Variants in SDCCAG8 observed in about 807,000 individuals in gnomAD.
SDCCAG8 encodes the protein SHH signaling and ciliogenesis regulator SDCCAG8, also known as serologically defined colon cancer antigen 8.
A neutral mutation model predicts 101.8 loss-of-function variants in SDCCAG8; 74 were observed. That is an observed-to-expected ratio of 0.73 (90% CI 0.60 to 0.88). SDCCAG8 has a LOEUF of 0.88. Ranked by LOEUF, SDCCAG8 falls within the 40% of genes least tolerant of loss-of-function variation. The pLI is 0.00. For synonymous variants in SDCCAG8, 281 were observed against 292.9 expected (o/e 0.96, Z 0.41); for missense variants, 787 against 822.6 (o/e 0.96, Z 0.53).
At position 243,473,921 on chromosome 1, in the gene SDCCAG8, G is replaced by A. The variant is rs1314624972; in HGVS notation, c.1986-15093G>A. Among the ~76,000 whole-genome samples, 53 of 15,126 alleles carry A rather than the reference G, an allele frequency of 3.5e-3. 3 individuals are homozygous for A. Among genetic ancestry groups the A allele is most frequent in the African/African-American group, 0.014 (48 of 3,440 alleles). The allele number at this position is 15,126 out of a possible 152,430, so 9.9% of individuals were successfully genotyped here. A position where few individuals can be genotyped will look rare whatever the true frequency, so the allele number is the denominator to read the frequency against. On this transcript the variant is annotated intron_variant, in intron 16 of 17. Coordinates refer to ENST00000366541, the MANE Select transcript of SDCCAG8 (RefSeq NM_006642.5). ...TTTGGTTATTGGAGGAGAGTTGCCG[G>A]CGGGGGGGGGGGGGGGGGCCGGGGG...
rs544388896 is a variant in SDCCAG8 at position 243,290,563 on chromosome 1, A to G, written c.547-2528A>G. On this transcript the variant is annotated intron_variant, in intron 5 of 17. Transcript: ENST00000366541. ...CATTCCATGGTGTGGTATACTCTCAAGTCCCTTACTTGATTCTTTAGCTTC... is the reference window on the plus strand; with the variant it reads ...CATTCCATGGTGTGGTATACTCTCAGGTCCCTTACTTGATTCTTTAGCTTC... Among the ~76,000 whole-genome samples, 3 of 152,162 alleles carry G rather than the reference A, an allele frequency of 2.0e-5. No individual in the cohort carries two copies. The South Asian group carries it at 6.2e-4, about 32-fold the overall frequency.
intron 4 of SDCCAG8, 52 bp from the exon 5 acceptor site, chr1:243,286,220 A>G: frequency 6.3e-7 from 1 of 1,586,258 alleles, no homozygotes; most frequent in Non-Finnish European, 8.7e-7. Flanking sequence ...ATAATCAACA[A>G]ATAAAAACAC....
At chr1:243,428,386 G>A (rs2081484983) in intron 16 of SDCCAG8, among the ~76,000 whole-genome samples, 1 of 152,144 alleles carries the variant, frequency 6.6e-6, no homozygotes, top group Non-Finnish European at 1.5e-5. Context: ...CATCCTTATA[G>A]GGAAGATGGA....
chr1:243,301,633 C>T (rs1280626500), intron 6 of SDCCAG8, among the ~76,000 whole-genome samples: 1 of 152,032 alleles, frequency 6.6e-6, no homozygotes, highest in African/African-American at 2.4e-5. Flanking sequence ...TGCAGCCGTG[C>T]CAACACGCAC....
chr1:243,464,701 T>C (rs950993810), intron 16 of SDCCAG8, among the ~76,000 whole-genome samples: 8 of 152,190 alleles, frequency 5.3e-5, no homozygotes, highest in African/African-American at 1.9e-4. Context: ...GTGTGAGGTG[T>C]GTAGGAAGTA....
chr1:243,489,549 C>G lies in SDCCAG8; in HGVS notation c.2112+409C>G, dbSNP rs532418128. ...AATTGGTTGAGGAAAGAGGTGTTCC[C>G]AATTAGCAAAGTCGTCTTGAATGGA... is the stretch of plus-strand genomic sequence containing the variant. On this transcript the variant is annotated intron_variant, in intron 17 of 17. Coordinates refer to ENST00000366541, the MANE Select transcript of SDCCAG8 (RefSeq NM_006642.5). Among the ~76,000 whole-genome samples, 18 of 152,270 alleles carry G rather than the reference C, an allele frequency of 1.2e-4. No individual in the cohort carries two copies. In the South Asian group the frequency reaches 3.5e-3, roughly 30 times the overall value.
chr1:243,388,991 CGTGCCTG>C (rs2078516394), intron 13 of SDCCAG8, among the ~76,000 whole-genome samples: 1 of 149,448 alleles, frequency 6.7e-6, no homozygotes. Context: ...CGTGGTGGTG[CGTGCCTG>C]AGTCCTGGCT....
intron 16 of SDCCAG8, among the ~76,000 whole-genome samples, chr1:243,460,314 T>C (rs1338608846): frequency 1.3e-5 from 2 of 152,204 alleles, no homozygotes; most frequent in Admixed American, 1.3e-4. Context: ...ACAAAGTGTG[T>C]GTAGCGAGCA....
At position 243,378,791 on chromosome 1, in the gene SDCCAG8, C is replaced by A. The variant is rs201446416; in HGVS notation, c.1544C>A (p.Ala515Asp). The A allele has an allele frequency of 1.2e-6, 2 of 1,614,066 alleles. No homozygotes were observed. The highest frequency in any genetic ancestry group is 1.7e-6 in the Non-Finnish European group (2 of 1,179,982). ...QHLEQEQQKA[A>D]LAREECLRLT... ...TTGGAACAGGAGCAGCAGAAGGCAG[C>A]CCTGGCCAGAGAGGAGTGCCTGAGA... is the stretch of plus-strand genomic sequence containing the variant. The change falls in exon 13 of 18, where the codon GCC (alanine) becomes GAC (aspartate). Residue 515 changes from alanine to aspartate, a missense_variant. Transcript: ENST00000366541.
intron 6 of SDCCAG8, among the ~76,000 whole-genome samples, chr1:243,301,442 A>G (rs917283447): frequency 1.3e-5 from 2 of 152,188 alleles, no homozygotes; most frequent in African/African-American, 4.8e-5. Context: ...GCCACTAGTG[A>G]TGCTGGAAGT....
intron 16 of SDCCAG8, among the ~76,000 whole-genome samples, chr1:243,479,132 G>A (rs1663005492): frequency 6.6e-6 from 1 of 152,202 alleles, no homozygotes; most frequent in South Asian, 2.1e-4. Context: ...AAGTAATACA[G>A]CTTTACATTA....
chr1:243,263,211 CTTGTT>C (rs949909981), intron 1 of SDCCAG8, among the ~76,000 whole-genome samples: 6 of 152,126 alleles, frequency 3.9e-5, no homozygotes, highest in Admixed American at 1.3e-4. Context: ...TGAAAACTGT[CTTGTT>C]TTATTGATTT....
chr1:243,331,564 A>G (rs2074595025), intron 10 of SDCCAG8, among the ~76,000 whole-genome samples: 1 of 152,214 alleles, frequency 6.6e-6, no homozygotes, highest in South Asian at 2.1e-4. Context: ...AATAAGAGTA[A>G]ACTCAGGCAT....
intron 16 of SDCCAG8, among the ~76,000 whole-genome samples, chr1:243,427,098 T>C (rs1212767161): frequency 6.6e-6 from 1 of 152,214 alleles, no homozygotes; most frequent in Non-Finnish European, 1.5e-5. Context: ...GCTAATCATA[T>C]CTACTTTGCA....
At chr1:243,306,899 G>C (rs1223531447) in intron 7 of SDCCAG8, among the ~76,000 whole-genome samples, 1 of 151,904 alleles carries the variant, frequency 6.6e-6, no homozygotes, top group African/African-American at 2.4e-5. Flanking sequence ...ACAGTTGTCT[G>C]ACAGCCAGGC....
At chr1:243,369,909 A>G (rs2077191915) in intron 12 of SDCCAG8, among the ~76,000 whole-genome samples, 2 of 152,016 alleles carry the variant, frequency 1.3e-5, no homozygotes, top group African/African-American at 4.8e-5. Flanking sequence ...ATTTATTTCA[A>G]CATTGTCTTT....
chr1:243,274,233 A>C (rs2068330897), intron 3 of SDCCAG8, among the ~76,000 whole-genome samples: 2 of 152,154 alleles, frequency 1.3e-5, no homozygotes, highest in African/African-American at 4.8e-5. Flanking sequence ...AATCTCACCA[A>C]AACTCAGAGC....
intron 4 of SDCCAG8, among the ~76,000 whole-genome samples, chr1:243,275,267 T>A (rs2068442035): frequency 6.6e-6 from 1 of 152,204 alleles, no homozygotes; most frequent in Non-Finnish European, 1.5e-5. Flanking sequence ...GTTTTACTTT[T>A]TTTTTTCTGT....
At position 243,304,757 on chromosome 1, in the gene SDCCAG8, A is replaced by G; in HGVS notation, c.720A>G (p.Glu240=). 1 of 1,592,800 alleles carries G rather than the reference A, an allele frequency of 6.3e-7. No individual in the cohort carries two copies. Among genetic ancestry groups the G allele is most frequent in the South Asian group, 1.1e-5 (1 of 90,570 alleles). ...LTYEEKCEIE[E]SQLKFLRNDL... Reference sequence around the variant, plus strand: ...ATGAGGAAAAGTGTGAAATTGAGGAATCCCAATTGAAGTTTTTGAGGTAAA... The same window carrying G: ...ATGAGGAAAAGTGTGAAATTGAGGAGTCCCAATTGAAGTTTTTGAGGTAAA... Residue 240 remains glutamate (E), a synonymous_variant, in exon 7 of 18, where the codon GAA becomes GAG. Transcript: ENST00000366541.
Sources: gnomAD v4.1 joint callset for allele counts (sites outside exome capture counted in the v4.1 genomes callset) on GRCh38, gnomAD v4.1.1 for gene constraint, MANE v1.5 for transcripts, NCBI Gene and HGNC (gene_info 2026-07-23, HGNC 2026-07-21) for gene names.